Variants in CACNB2 observed in about 807,000 individuals in gnomAD.
The protein encoded by CACNB2 is calcium voltage-gated channel auxiliary subunit beta 2.
CACNB2 carries 42 observed loss-of-function variants against 73.3 expected under a neutral mutation model. The observed-to-expected ratio is 0.57, with a 90% confidence interval of 0.45 to 0.74. The LOEUF (loss-of-function observed/expected upper bound fraction) is 0.74. Ranked by LOEUF, CACNB2 falls within the 30% of genes least tolerant of loss-of-function variation. The pLI is 0.00. For synonymous variants in CACNB2, 348 were observed against 310.3 expected, an observed-to-expected ratio of 1.12 and a Z score of -1.28; for missense variants, 940 against 853.0, an observed-to-expected ratio of 1.10 and a Z score of -1.27.
chr10:18,525,215 G>A (rs928890808), intron 9 of CACNB2, among the ~76,000 whole-genome samples: 22 of 151,958 alleles, frequency 1.4e-4, no homozygotes, highest in Middle Eastern at 3.4e-3. Context: ...GGAACATTCC[G>A]TGTTATATGC....
intron 2 of CACNB2, chr10:18,151,181 T>G (rs562255048): frequency 3.9e-6 from 2 of 513,980 alleles, no homozygotes; most frequent in African/African-American, 2.0e-5. Flanking sequence ...TCCTGGCAAG[T>G]TGAGGAAAGA....
chr10:18,470,211 G>A (rs993127770), intron 3 of CACNB2, among the ~76,000 whole-genome samples: 1 of 151,268 alleles, frequency 6.6e-6, no homozygotes, highest in Non-Finnish European at 1.5e-5. Context: ...TCAGGGCCAG[G>A]CATGGTGCCT....
chr10:18,156,088 T>C (rs1391039455), intron 2 of CACNB2, among the ~76,000 whole-genome samples: 1 of 152,118 alleles, frequency 6.6e-6, no homozygotes, highest in Non-Finnish European at 1.5e-5. Flanking sequence ...TTTGAATATA[T>C]TGTAACATCA....
chr10:18,141,145 C>T (rs929110147), intron 1 of CACNB2: 23 of 1,550,296 alleles, frequency 1.5e-5, no homozygotes, highest in Middle Eastern at 3.6e-4. Context: ...AGCTGGCCCT[C>T]CTCGCCCCTT....
intron 3 of CACNB2, among the ~76,000 whole-genome samples, chr10:18,467,825 T>G (rs1299410318): frequency 6.6e-6 from 1 of 152,204 alleles, no homozygotes; most frequent in African/African-American, 2.4e-5. Context: ...TGTTCTTAAC[T>G]ATGCTAAAGT....
At chr10:18,318,007 C>T (rs1346181486) in intron 2 of CACNB2, among the ~76,000 whole-genome samples, 1 of 152,154 alleles carries the variant, frequency 6.6e-6, no homozygotes, top group Non-Finnish European at 1.5e-5. Context: ...ATTCTATGCT[C>T]ATGGATAGGA....
chr10:18,248,983 G>A (rs1220217294), intron 2 of CACNB2, among the ~76,000 whole-genome samples: 1 of 152,114 alleles, frequency 6.6e-6, no homozygotes, highest in Non-Finnish European at 1.5e-5. Flanking sequence ...ATATCCACCT[G>A]CACTCAATTC....
intron 3 of CACNB2, among the ~76,000 whole-genome samples, chr10:18,455,809 G>A (rs917637163): frequency 1.3e-5 from 2 of 152,132 alleles, no homozygotes; most frequent in Non-Finnish European, 2.9e-5. Flanking sequence ...AAAAGTGGTG[G>A]GCTTCTAACT....
At chr10:18,167,720 G>A (rs2032951841) in intron 2 of CACNB2, among the ~76,000 whole-genome samples, 1 of 152,116 alleles carries the variant, frequency 6.6e-6, no homozygotes, top group Non-Finnish European at 1.5e-5. Context: ...ATGGCGCAGG[G>A]GGTAGCCGTT....
At chr10:18,180,242 A>T (rs2033805812) in intron 2 of CACNB2, among the ~76,000 whole-genome samples, 1 of 152,148 alleles carries the variant, frequency 6.6e-6, no homozygotes, top group Non-Finnish European at 1.5e-5. Context: ...CATACCGCAC[A>T]TCACTCTGGC....
chr10:18,348,261 C>G (rs1018456224), intron 2 of CACNB2, among the ~76,000 whole-genome samples: 1 of 152,136 alleles, frequency 6.6e-6, no homozygotes, highest in Admixed American at 6.5e-5. Context: ...GGTAAAAGAT[C>G]AGTTGAAAAT....
chr10:18,151,208 T>C (rs2031526205), intron 2 of CACNB2: 1 of 456,530 alleles, frequency 2.2e-6, no homozygotes, highest in Non-Finnish European at 3.8e-6. Context: ...TGGCATTCAT[T>C]ACAGAGGATT....
intron 2 of CACNB2, among the ~76,000 whole-genome samples, chr10:18,373,095 T>C (rs1564479662): frequency 6.6e-6 from 1 of 152,030 alleles, no homozygotes; most frequent in Non-Finnish European, 1.5e-5. Context: ...GGATTACAGG[T>C]GTGAGCCACA....
intron 3 of CACNB2, among the ~76,000 whole-genome samples, chr10:18,420,031 C>T (rs979465022): frequency 6.6e-6 from 1 of 152,174 alleles, no homozygotes; most frequent in Non-Finnish European, 1.5e-5. Flanking sequence ...GTTCCCTCAA[C>T]TGTAAGTATC....
intron 2 of CACNB2, among the ~76,000 whole-genome samples, chr10:18,286,412 G>T (rs1273339743): frequency 6.6e-6 from 1 of 151,152 alleles, no homozygotes; most frequent in Admixed American, 6.6e-5. Flanking sequence ...CAGCTACTCG[G>T]GAGGCTGAGG....
chr10:18,274,611 T>A (rs1429758995), intron 2 of CACNB2, among the ~76,000 whole-genome samples: 2 of 152,306 alleles, frequency 1.3e-5, no homozygotes, highest in East Asian at 3.9e-4. Flanking sequence ...ATCCACAATT[T>A]TTTTTTCTCA....
chr10:18,532,753 A>T (rs2053192928), intron 10 of CACNB2, among the ~76,000 whole-genome samples: 2 of 152,112 alleles, frequency 1.3e-5, no homozygotes, highest in Admixed American at 1.3e-4. Flanking sequence ...TTAAACTTGT[A>T]CTACTCAAAC....
chr10:18,256,128 TG>T (rs1275702247), intron 2 of CACNB2, among the ~76,000 whole-genome samples: 1 of 152,218 alleles, frequency 6.6e-6, no homozygotes, highest in African/African-American at 2.4e-5. Flanking sequence ...TGTTGATTTT[TG>T]TCATTGAGCC....
intron 2 of CACNB2, among the ~76,000 whole-genome samples, chr10:18,161,509 T>A (rs2032455616): frequency 6.6e-6 from 1 of 152,082 alleles, no homozygotes. Context: ...TTCTTTCTCT[T>A]GTAGGTGTAA....
Sources: gnomAD v4.1 joint callset for allele counts (sites outside exome capture counted in the v4.1 genomes callset) on GRCh38, gnomAD v4.1.1 for gene constraint, MANE v1.5 for transcripts, NCBI Gene and HGNC (gene_info 2026-07-23, HGNC 2026-07-21) for gene names.